FLG: variants seen among roughly 807,000 people sequenced by gnomAD.
FLG encodes the protein epidermal filaggrin.
Under a neutral mutation model 3.8 loss-of-function variants are expected in FLG, and 6 were observed. That is an observed-to-expected ratio of 1.60 (90% CI 0.87 to 3.15). The LOEUF is 3.15. FLG is among the 30% of genes most tolerant of loss of function. The pLI is 0.00. For missense variants in FLG, 7,595 were observed against 5,050.9 expected, an observed-to-expected ratio of 1.50 and a Z score of -15.27; for synonymous variants, 2,551 against 1,931.6, an observed-to-expected ratio of 1.32 and a Z score of -8.41.
rs759461022 is a variant in FLG, at chr1:152,303,929, C to T, written c.10957G>A (p.Asp3653Asn). Residue 3653 changes from aspartate (D) to asparagine (N), a missense_variant, in exon 3 of 3, where the codon GAC becomes AAC. Transcript: ENST00000368799. ...GHGQASSAVRDSGHRGSSGSQ... is the reference protein window; with the variant it reads ...GHGQASSAVRNSGHRGSSGSQ... ...CCACTGGACCCTCGGTGTCCACTGT[C>T]TCTGACTGCAGATGAAGCTTGTCCG... is the stretch of plus-strand genomic sequence containing the variant. The T allele has an allele frequency of 1.3e-5, 21 of 1,613,920 alleles. No homozygotes were observed. In the East Asian group the frequency reaches 4.5e-4, roughly 34 times the overall value.
In FLG at chr1:152,313,716, C is replaced by T. The variant is rs765468922; in HGVS notation, c.1170G>A (p.Gln390=). The change falls in exon 3 of 3, where the codon CAG becomes CAA. Residue 390 remains glutamine, a synonymous_variant. Transcript: ENST00000368799. ...PGERHGSGHQ[Q]SADSSRHSAT... Reference sequence around the variant, plus strand: ...CTGAGTGTCTGGAGCTGTCTGCTGACTGCTGGTGGCCGGATCCATGTCTTT... The same window carrying T: ...CTGAGTGTCTGGAGCTGTCTGCTGATTGCTGGTGGCCGGATCCATGTCTTT... 3 of 1,613,932 alleles carry T rather than the reference C, an allele frequency of 1.9e-6. No homozygotes were observed. The highest frequency in any genetic ancestry group is 1.3e-5 in the African/African-American group (1 of 74,896).
rs199995422 is a variant in FLG at position 152,303,658 on chromosome 1, C to T, written c.11228G>A (p.Arg3743Gln). 2.5e-5 allele frequency: 41 copies of T among 1,613,778 alleles called. No individual in the cohort carries two copies. The highest frequency in any genetic ancestry group is 1.6e-4 in the Middle Eastern group (1 of 6,080). The change falls in exon 3 of 3, where the codon CGA becomes CAA. Residue 3743 changes from arginine to glutamine, a missense_variant. Coordinates refer to ENST00000368799, the MANE Select transcript of FLG (RefSeq NM_002016.2). ...GRQGSRHEQA[R>Q]DSSRHSASQE... ...GGACGCTGAGTGCCTGGAGCTGTCT[C>T]GTGCCTGCTCGTGGCGGGATCCTTG... is the stretch of plus-strand genomic sequence containing the variant.
Position 152,302,496 on chromosome 1 carries a change from C to T in FLG, c.*204G>A, listed in dbSNP as rs532661923. On this transcript the variant is annotated 3_prime_UTR_variant, in exon 3 of 3. Transcript: ENST00000368799. The stretch of plus-strand genomic sequence containing the variant: ...TAGCTCTCCATGATATTGATTTCTT[C>T]CATTTAATATTTCTGAAATATAGCG... The T allele has an allele frequency of 7.6e-6, 5 of 655,560 alleles. No individual in the cohort carries two copies. Among genetic ancestry groups the T allele is most frequent in the Middle Eastern group, 4.3e-4 (1 of 2,342 alleles). 40.6% of individuals were successfully genotyped at this position (655,560 alleles called of 1,614,324 possible).
chr1:152,310,422 G>A lies in FLG; in HGVS notation c.4464C>T (p.Thr1488=), dbSNP rs1652322264. The part of the protein sequence containing the change: ...RHSASQDGQD[T]IRGHPGSSRG... ...TGCTTGACCCCGGGTGTCCACGAAT[G>A]GTGTCCTGACCGTCTTGGGATGCTG... The change falls in exon 3 of 3, where the codon ACC becomes ACT. Residue 1488 remains threonine (T), a synonymous_variant. Coordinates refer to ENST00000368799, the MANE Select transcript of FLG (RefSeq NM_002016.2). 6.2e-7 allele frequency: 1 copy of A among 1,613,342 alleles called. No homozygotes were observed. The highest frequency in any genetic ancestry group is 1.3e-5 in the African/African-American group (1 of 74,712).
In FLG at chr1:152,310,761, G is replaced by A. The variant is rs747250368; in HGVS notation, c.4125C>T (p.His1375=). ...CTCTGACTGCAGATGAAGCTTGTCT[G>A]TGCCCAATGCCTGAGTGTCTGGAGC... ...ADSSRHSGIG[H]RQASSAVRDS... The change falls in exon 3 of 3, where the codon CAC becomes CAT. Residue 1375 remains histidine (H), a synonymous_variant. Transcript: ENST00000368799. 34 of 1,614,030 alleles carry A rather than the reference G, an allele frequency of 2.1e-5. No homozygotes were observed. The highest frequency in any genetic ancestry group is 1.8e-4 in the East Asian group (8 of 44,846).
chr1:152,302,738 C>G lies in FLG; in HGVS notation c.12148G>C (p.Gly4050Arg). ...GHSSDISKQL[G>R]FSQSQRYYYY... Reference sequence around the variant, plus strand: ...TAGTATCTCTGTGACTGACTAAATCCCAGTTGTTTCGATATATCACTAGAA... The same window carrying G: ...TAGTATCTCTGTGACTGACTAAATCGCAGTTGTTTCGATATATCACTAGAA... The change falls in exon 3 of 3, where the codon GGA becomes CGA. Residue 4050 changes from glycine (G) to arginine (R), a missense_variant. Transcript: ENST00000368799. 6.2e-7 allele frequency: 1 copy of G among 1,613,956 alleles called. No individual in the cohort carries two copies. The highest frequency in any genetic ancestry group is 8.5e-7 in the Non-Finnish European group (1 of 1,179,922).
In FLG at chr1:152,310,441, G is replaced by T. The variant is rs11204978; in HGVS notation, c.4445C>A (p.Ser1482Tyr). ...QARNSSRHSA[S>Y]QDGQDTIRGH... Reference sequence around the variant, plus strand: ...ACGAATGGTGTCCTGACCGTCTTGGGATGCTGAGTGCCTAGAGCTGTTTCG... The same window carrying T: ...ACGAATGGTGTCCTGACCGTCTTGGTATGCTGAGTGCCTAGAGCTGTTTCG... The change falls in exon 3 of 3, where the codon TCC becomes TAC. Residue 1482 changes from serine to tyrosine, a missense_variant. Physicochemically the swap from Ser to Tyr is moderately radical, Grantham distance 144. Coordinates refer to ENST00000368799, the MANE Select transcript of FLG (RefSeq NM_002016.2). 276,355 of 1,613,218 alleles carry T rather than the reference G, an allele frequency of 0.17. 33,181 individuals carry two copies. The highest frequency in any genetic ancestry group is 0.56 in the East Asian group (25,088 of 44,748).
chr1:152,311,003 G>T lies in FLG; in HGVS notation c.3883C>A (p.His1295Asn). The change falls in exon 3 of 3, where the codon CAT becomes AAT. Residue 1295 changes from histidine (H) to asparagine (N), a missense_variant. Transcript: ENST00000368799. ...RLSGSASRNH[H>N]GSSREQSRDG... is the part of the protein sequence containing the mutation. Reference sequence around the variant, plus strand: ...CTTGACTGCTCCCGAGAAGATCCATGATGGTTTCTGGAAGCAGACCCAGAC... The same window carrying T: ...CTTGACTGCTCCCGAGAAGATCCATTATGGTTTCTGGAAGCAGACCCAGAC... The T allele has an allele frequency of 6.2e-7, 1 of 1,613,952 alleles. No homozygotes were observed. The highest frequency in any genetic ancestry group is 8.5e-7 in the Non-Finnish European group (1 of 1,179,984).
Position 152,312,537 on chromosome 1 carries a change from T to G in FLG, c.2349A>C (p.Ser783=), listed in dbSNP as rs1206604953. The G allele has an allele frequency of 6.2e-7, 1 of 1,613,636 alleles. No individual in the cohort carries two copies. Among genetic ancestry groups the G allele is most frequent in the Admixed American group, 1.7e-5 (1 of 59,988 alleles). Reference sequence around the variant, plus strand: ...ACCCTGAACGTCGAGACCTTTCCCCTGACCGGTCACGTGCGGACTCTTGGT... The same window carrying G: ...ACCCTGAACGTCGAGACCTTTCCCCGGACCGGTCACGTGCGGACTCTTGGT... ...QSHQESARDR[S]GERSRRSGSF... is the part of the protein sequence containing the mutation. The change falls in exon 3 of 3, where the codon TCA becomes TCC. Residue 783 remains serine, a synonymous_variant. Transcript: ENST00000368799.
rs1652170164 is a variant in FLG at position 152,308,798 on chromosome 1, C to T, written c.6088G>A (p.Ala2030Thr). ...CCTCGGTGTCCACTGTCTCTGACTG[C>T]AGATGAAGCTTGTCCATGCCCAATG... ...SGIGHGQASS[A>T]VRDSGHRGYS... Residue 2030 changes from alanine to threonine, a missense_variant, in exon 3 of 3, where the codon GCA becomes ACA. By Grantham distance (58) the Ala-to-Thr change is moderately conservative. Coordinates refer to ENST00000368799, the MANE Select transcript of FLG (RefSeq NM_002016.2). 1.2e-6 allele frequency: 2 copies of T among 1,614,060 alleles called. No homozygotes were observed. Among genetic ancestry groups the T allele is most frequent in the African/African-American group, 1.3e-5 (1 of 74,928 alleles).
At position 152,304,882 on chromosome 1, in the gene FLG, G is replaced by T. The variant is rs376328431; in HGVS notation, c.10004C>A (p.Ser3335Tyr). 1.8e-5 allele frequency: 29 copies of T among 1,613,622 alleles called. No homozygotes were observed. The highest frequency in any genetic ancestry group is 1.6e-4 in the African/African-American group (12 of 74,908). Residue 3335 changes from serine to tyrosine, a missense_variant, in exon 3 of 3, where the codon TCC (serine) becomes TAC (tyrosine). Physicochemically the swap from Ser to Tyr is moderately radical, Grantham distance 144. Transcript: ENST00000368799. ...SAVRDSRHWG[S>Y]SGSQASDSEG... is the part of the protein sequence containing the mutation. ...ACTATCACTGGCCTGACTACCACTG[G>T]ACCCCCAGTGTCTACTGTCTCTGAC...
intron 1 of FLG, among the ~76,000 whole-genome samples, chr1:152,321,288 G>A (rs1383946965): frequency 1.3e-5 from 2 of 149,882 alleles, no homozygotes; most frequent in Non-Finnish European, 3.0e-5. Context: ...GTTTTAAAAA[G>A]AACAAATTAA....
In FLG at chr1:152,309,291, G is replaced by T. The variant is rs775232846; in HGVS notation, c.5595C>A (p.Ser1865Arg). The change falls in exon 3 of 3, where the codon AGC (serine) becomes AGA (arginine). Residue 1865 changes from serine (S) to arginine (R), a missense_variant. Coordinates refer to ENST00000368799, the MANE Select transcript of FLG (RefSeq NM_002016.2). ...SRGQSGSRSV[S>R]RQTRNEKQSG... ...ATTGTTTCTCATTACGTGTTTGTCT[G>T]CTGACACTTCTGGATCCTGACTGCC... 2.7e-5 allele frequency: 43 copies of T among 1,613,560 alleles called. No homozygotes were observed. Among genetic ancestry groups the T allele is most frequent in the Non-Finnish European group, 3.6e-5 (43 of 1,179,972 alleles).
Position 152,309,868 on chromosome 1 carries a change from G to T in FLG, c.5018C>A (p.Ala1673Glu), listed in dbSNP as rs1249327548. ...ATGTCTTTCTCCTGGACTTGACCTT[G>T]CCTGTTCCTGGGATGATGCAGCCTG... ...GGQAASSQEQARSSPGERHGS... is the reference protein window; with the variant it reads ...GGQAASSQEQERSSPGERHGS... The change falls in exon 3 of 3, where the codon GCA becomes GAA. Residue 1673 changes from alanine to glutamate, a missense_variant. Transcript: ENST00000368799. 1.1e-5 allele frequency: 18 copies of T among 1,614,092 alleles called. No homozygotes were observed. Among genetic ancestry groups the T allele is most frequent in the Non-Finnish European group, 1.4e-5 (16 of 1,180,020 alleles).
Position 152,310,758 on chromosome 1 carries a change from T to C in FLG, c.4128A>G (p.Arg1376=), listed in dbSNP as rs556567957. ...DSSRHSGIGH[R]QASSAVRDSG... is the part of the protein sequence containing the mutation. ...TGTCTCTGACTGCAGATGAAGCTTG[T>C]CTGTGCCCAATGCCTGAGTGTCTGG... Residue 1376 remains arginine (R), a synonymous_variant, in exon 3 of 3, where the codon AGA becomes AGG. Transcript: ENST00000368799. 2 of 1,613,956 alleles carry C rather than the reference T, an allele frequency of 1.2e-6. No homozygotes were observed. The highest frequency in any genetic ancestry group is 2.2e-5 in the East Asian group (1 of 44,824).
intron 1 of FLG, among the ~76,000 whole-genome samples, chr1:152,320,922 A>T (rs1478597237): frequency 2.0e-5 from 3 of 151,078 alleles, no homozygotes; most frequent in Non-Finnish European, 3.0e-5. Flanking sequence ...ACTTCTAAAT[A>T]ATCAATGGGT....
rs550114260 is a variant in FLG at position 152,309,157 on chromosome 1, G to C, written c.5729C>G (p.Thr1910Arg). The C allele has an allele frequency of 1.2e-6, 2 of 1,613,474 alleles. No homozygotes were observed. Among genetic ancestry groups the C allele is most frequent in the Non-Finnish European group, 1.7e-6 (2 of 1,179,634 alleles). The change falls in exon 3 of 3, where the codon ACA (threonine) becomes AGA (arginine). Residue 1910 changes from threonine (T) to arginine (R), a missense_variant. Coordinates refer to ENST00000368799, the MANE Select transcript of FLG (RefSeq NM_002016.2). ...VGQGQSSGPR[T>R]SRNQGSSVSQ... ...AACACTGGATCCCTGGTTCCTGCTT[G>C]TCCTGGGCCCTGATGATTGTCCCTG...
Position 152,308,014 on chromosome 1 carries a change from C to A in FLG, c.6872G>T (p.Gly2291Val), listed in dbSNP as rs1233091592. ...HPRSHHEDRA[G>V]HGHSAESSRQ... Reference sequence around the variant, plus strand: ...GGAGCTCTCTGCAGAGTGCCCATGACCGGCTCTGTCTTCGTGATGGGACCT... The same window carrying A: ...GGAGCTCTCTGCAGAGTGCCCATGAACGGCTCTGTCTTCGTGATGGGACCT... Residue 2291 changes from glycine (G) to valine (V), a missense_variant, in exon 3 of 3, where the codon GGT becomes GTT. By Grantham distance (109) the Gly-to-Val change is moderately radical. Transcript: ENST00000368799. 1.2e-6 allele frequency: 2 copies of A among 1,614,194 alleles called. No homozygotes were observed. Among genetic ancestry groups the A allele is most frequent in the Non-Finnish European group, 1.7e-6 (2 of 1,180,042 alleles).
In FLG at chr1:152,307,340, G is replaced by C. The variant is rs555298118; in HGVS notation, c.7546C>G (p.Gln2516Glu). 1 of 1,612,924 alleles carries C rather than the reference G, an allele frequency of 6.2e-7. No individual in the cohort carries two copies. The highest frequency in any genetic ancestry group is 8.5e-7 in the Non-Finnish European group (1 of 1,179,632). The part of the protein sequence containing the change: ...GHSGSRSASR[Q>E]TRNDEQSGDG... ...CCTGATTGTTCATCGTTACGAGTTT[G>C]TCTGCTTGCACTTCTGGATCCTGAG... The change falls in exon 3 of 3, where the codon CAA becomes GAA. Residue 2516 changes from glutamine to glutamate, a missense_variant. Transcript: ENST00000368799.
Sources: allele counts gnomAD v4.1 joint callset (sites outside exome capture counted in the v4.1 genomes callset), GRCh38; gene constraint gnomAD v4.1.1; transcripts MANE v1.5; gene names NCBI Gene and HGNC (gene_info 2026-07-23, HGNC 2026-07-21).